RBFOX1: variants seen among roughly 807,000 people sequenced by gnomAD.
RBFOX1 encodes the protein RNA binding fox-1 homolog 1.
In RBFOX1, 8 loss-of-function variants were observed where a neutral mutation model predicts 57.7. That is an observed-to-expected ratio of 0.14 (90% CI 0.08 to 0.25). The LOEUF (loss-of-function observed/expected upper bound fraction) is 0.25, where lower values mean the gene tolerates loss of function less well. Among genes scored for constraint, RBFOX1 ranks in the 10% least tolerant of loss-of-function variants. RBFOX1 has a pLI of 1.00. For synonymous variants in RBFOX1, 326 were observed against 222.4 expected (o/e 1.47, Z -4.15); for missense variants, 611 against 548.5 (o/e 1.11, Z -1.14).
At chr16:6,334,467 C>T (rs993129074) in intron 2 of RBFOX1, among the ~76,000 whole-genome samples, 8 of 145,556 alleles carry the variant, frequency 5.5e-5, no homozygotes, top group African/African-American at 2.1e-4. Context: ...GAGATCATGC[C>T]ACTGCACTCC....
intron 3 of RBFOX1, among the ~76,000 whole-genome samples, chr16:6,926,899 G>A (rs75470743): frequency 0.16 from 24,037 of 151,996 alleles, 1,978 homozygotes; most frequent in Non-Finnish European, 0.2. Context: ...GTCCTAGCAG[G>A]TACTCCCTCA....
rs536512711 is a variant in RBFOX1 at position 5,632,226 on chromosome 16, G to A, written c.318+33265G>A. ...ATTATTATTCTGTATTAGAGACGAT[G>A]TCATGAGACAACTAGCCACAGTCTG... On this transcript the variant is annotated intron_variant, in intron 3 of 19. Coordinates refer to the RBFOX1 transcript ENST00000641259. Among the ~76,000 whole-genome samples the A allele has an allele frequency of 7.9e-5, 12 of 152,330 alleles. No homozygotes were observed. The East Asian group carries it at 2.3e-3, about 29-fold the overall frequency.
chr16:5,861,902 C>A (rs1479782528), intron 3 of RBFOX1, among the ~76,000 whole-genome samples: 1 of 152,104 alleles, frequency 6.6e-6, no homozygotes, highest in African/African-American at 2.4e-5. Context: ...CCCAGTTAGT[C>A]CTTCTGGTTG....
intron 1 of RBFOX1, among the ~76,000 whole-genome samples, chr16:5,380,314 A>G (rs1383189296): frequency 6.6e-6 from 1 of 152,194 alleles, no homozygotes; most frequent in African/African-American, 2.4e-5. Context: ...TCAATCTATC[A>G]TTGTGCCTCT....
chr16:7,061,526 C>A (rs2346249), intron 4 of RBFOX1, among the ~76,000 whole-genome samples: 78,152 of 152,038 alleles, frequency 0.51, 22,895 homozygotes, highest in South Asian at 0.77. Flanking sequence ...TTAATTAATT[C>A]TTTGAGTCTC....
At chr16:7,448,569 G>T (rs562304999) in intron 4 of RBFOX1, among the ~76,000 whole-genome samples, 108 of 152,232 alleles carry the variant, frequency 7.1e-4, no homozygotes, top group Non-Finnish European at 1.1e-3. Context: ...ACCTCCAACC[G>T]GGTCCCTCCC....
In RBFOX1 at chr16:6,754,131, C is replaced by T. The variant is rs184013864; in HGVS notation, c.-16+99481C>T. On this transcript the variant is annotated intron_variant, in intron 3 of 15. Coordinates refer to ENST00000550418, the MANE Select transcript of RBFOX1 (RefSeq NM_018723.4). ...AGTGCAAAGACATATCATTTCACTT[C>T]ATATTATGACAGCATTTTTCTTTTG... is the stretch of plus-strand genomic sequence containing the variant. 9.9e-4 allele frequency among the ~76,000 whole-genome samples: 151 copies of T among 152,276 alleles called. 1 individual carries two copies. The highest frequency in any genetic ancestry group is 4.4e-3 in the Admixed American group (68 of 15,292).
At position 7,414,002 on chromosome 16, in the gene RBFOX1, C is replaced by A. The variant is rs563973804; in HGVS notation, c.28-104145C>A. Among the ~76,000 whole-genome samples, 42 of 152,322 alleles carry A rather than the reference C, an allele frequency of 2.8e-4. 1 individual carries two copies. In the South Asian group the frequency reaches 8.5e-3, roughly 31 times the overall value. On this transcript the variant is annotated intron_variant, in intron 4 of 15. Coordinates refer to ENST00000550418, the MANE Select transcript of RBFOX1 (RefSeq NM_018723.4). ...AGATGTTGGTGACTATCATCACCTC[C>A]TGCAGAGATGTGGAGGTGCAGAGTC... is the stretch of plus-strand genomic sequence containing the variant.
chr16:6,840,069 C>G (rs895125049), intron 3 of RBFOX1, among the ~76,000 whole-genome samples: 1 of 152,126 alleles, frequency 6.6e-6, no homozygotes, highest in African/African-American at 2.4e-5. Context: ...TACTACTCAA[C>G]TTAAAAATTA....
At chr16:7,524,497 T>C (rs1002101865) in intron 5 of RBFOX1, among the ~76,000 whole-genome samples, 3 of 152,216 alleles carry the variant, frequency 2.0e-5, no homozygotes, top group African/African-American at 7.2e-5. Context: ...TCTTGACATA[T>C]TATCATTAGA....
At chr16:5,524,282 G>C (rs138950281) in intron 2 of RBFOX1, among the ~76,000 whole-genome samples, 1 of 152,140 alleles carries the variant, frequency 6.6e-6, no homozygotes, top group Non-Finnish European at 1.5e-5. Flanking sequence ...TGTGTTACTG[G>C]AAGGAAACCA....
At chr16:5,302,032 G>T (rs1349820405) in intron 1 of RBFOX1, among the ~76,000 whole-genome samples, 1 of 151,886 alleles carries the variant, frequency 6.6e-6, no homozygotes, top group Non-Finnish European at 1.5e-5. Flanking sequence ...TTCCAGTTTA[G>T]ATCATTCATT....
At chr16:7,167,789 G>T (rs1007887003) in intron 4 of RBFOX1, among the ~76,000 whole-genome samples, 4 of 152,138 alleles carry the variant, frequency 2.6e-5, no homozygotes, top group Admixed American at 2.0e-4. Context: ...CTTTCACTCT[G>T]CAAGGGCAGA....
At position 6,410,740 on chromosome 16, in the gene RBFOX1, A is replaced by G. The variant is rs918932202; in HGVS notation, c.-64+93683A>G. On this transcript the variant is annotated intron_variant, in intron 2 of 15. Transcript: ENST00000550418. ...CCAAGAGGAATTTGTATTAACTTCT[A>G]GTGCATTTGGCCAGAAAATGCCATG... Among the ~76,000 whole-genome samples the G allele has an allele frequency of 4.6e-5, 7 of 152,322 alleles. No individual in the cohort carries two copies. In the South Asian group the frequency reaches 1.4e-3, roughly 32 times the overall value.
chr16:5,945,889 G>T (rs544933252), intron 4 of RBFOX1, among the ~76,000 whole-genome samples: 2 of 152,162 alleles, frequency 1.3e-5, no homozygotes, highest in Non-Finnish European at 2.9e-5. Context: ...CTCCCACAGG[G>T]TGTCTGACAC....
intron 3 of RBFOX1, among the ~76,000 whole-genome samples, chr16:5,815,156 ATTTT>A (rs71142650): frequency 7.0e-5 from 8 of 114,222 alleles, no homozygotes; most frequent in East Asian, 2.5e-4. Context: ...ATTTAATTTA[ATTTT>A]TTTTTTTTTT....
intron 1 of RBFOX1, among the ~76,000 whole-genome samples, chr16:6,036,993 TG>T (rs1225440912): frequency 1.3e-5 from 2 of 152,100 alleles, no homozygotes; most frequent in Admixed American, 1.3e-4. Context: ...GGTGGGACTG[TG>T]TGTGTTGGAG....
At chr16:6,608,991 C>T (rs1479428503) in intron 2 of RBFOX1, among the ~76,000 whole-genome samples, 3 of 152,176 alleles carry the variant, frequency 2.0e-5, no homozygotes, top group African/African-American at 7.2e-5. Context: ...CCAGGCAAGC[C>T]TTTCTTCCAT....
intron 6 of RBFOX1, among the ~76,000 whole-genome samples, chr16:7,586,215 C>G (rs973483400): frequency 1.3e-5 from 2 of 152,064 alleles, no homozygotes; most frequent in South Asian, 4.2e-4. Flanking sequence ...TTTACATTAC[C>G]CTCTCTCTCA....
Sources: allele counts gnomAD v4.1 joint callset (sites outside exome capture counted in the v4.1 genomes callset), GRCh38; gene constraint gnomAD v4.1.1; transcripts MANE v1.5; gene names NCBI Gene and HGNC (gene_info 2026-07-23, HGNC 2026-07-21).